RPGRIP1: variants seen among roughly 807,000 people sequenced by gnomAD.
The protein encoded by RPGRIP1 is RPGR interacting protein 1.
A neutral mutation model predicts 157.9 loss-of-function variants in RPGRIP1; 128 were observed. That is an observed-to-expected ratio of 0.81 (90% CI 0.70 to 0.94). The LOEUF is 0.94. RPGRIP1 is among the 40% of genes least tolerant of loss of function. The pLI is 0.00. For missense variants in RPGRIP1, 1,486 were observed against 1,545.8 expected, an observed-to-expected ratio of 0.96 and a Z score of 0.65; for synonymous variants, 554 against 571.6, an observed-to-expected ratio of 0.97 and a Z score of 0.44.
intron 2 of RPGRIP1, among the ~76,000 whole-genome samples, chr14:21,292,408 G>C (rs1880569849): frequency 6.6e-6 from 1 of 151,936 alleles, no homozygotes; most frequent in Non-Finnish European, 1.5e-5. Flanking sequence ...ACCACATTAA[G>C]GGAATATTTT....
intron 3 of RPGRIP1, 103 bp from the exon 4 acceptor site, chr14:21,300,863 A>G: frequency 7.6e-7 from 1 of 1,320,682 alleles, no homozygotes. Flanking sequence ...ATCACGGTAG[A>G]TGAATACATA....
In RPGRIP1 at chr14:21,306,964, T is replaced by TG. The variant is rs552617945; in HGVS notation, c.801-763dup. ...CTAATTTTTGTATTTTTAGTAGAGA[T>TG]GGGGTCTCACTATGTTGGCCAGGAT... On this transcript the variant is annotated intron_variant, in intron 6 of 24. Coordinates refer to ENST00000400017, the MANE Select transcript of RPGRIP1 (RefSeq NM_020366.4). Among the ~76,000 whole-genome samples the TG allele has an allele frequency of 2.1e-3, 310 of 146,222 alleles. 4 individuals are homozygous for TG. The highest frequency in any genetic ancestry group is 2.8e-3 in the Non-Finnish European group (184 of 66,232).
Position 21,325,904 on chromosome 14 carries a change from G to T in RPGRIP1, c.2441G>T (p.Arg814Leu), listed in dbSNP as rs372647080. Residue 814 changes from arginine (R) to leucine (L), a missense_variant, in exon 17 of 25, where the codon CGA becomes CTA. Coordinates refer to ENST00000400017, the MANE Select transcript of RPGRIP1 (RefSeq NM_020366.4). ...ACCAAGTGCTGTGGCCTCCGGAGTCGATGGCTGGGAACTCAACCCAGTCCA... is the reference window on the plus strand; with the variant it reads ...ACCAAGTGCTGTGGCCTCCGGAGTCTATGGCTGGGAACTCAACCCAGTCCA... ...EITKCCGLRS[R>L]WLGTQPSPYA... 48 of 1,613,776 alleles carry T rather than the reference G, an allele frequency of 3.0e-5. No homozygotes were observed. Among genetic ancestry groups the T allele is most frequent in the Non-Finnish European group, 4.0e-5 (47 of 1,179,878 alleles).
chr14:21,335,786 G>A lies in RPGRIP1; in HGVS notation c.3339+1081G>A, dbSNP rs1157122800. On this transcript the variant is annotated intron_variant, in intron 21 of 24. Coordinates refer to ENST00000400017, the MANE Select transcript of RPGRIP1 (RefSeq NM_020366.4). Reference sequence around the variant, plus strand: ...GCAGAGCTTGCACTCCAGCCTGGGCGACAGAGCGAGACTACGTCTCAAAAA... The same window carrying A: ...GCAGAGCTTGCACTCCAGCCTGGGCAACAGAGCGAGACTACGTCTCAAAAA... 4.7e-5 allele frequency among the ~76,000 whole-genome samples: 7 copies of A among 147,908 alleles called. No homozygotes were observed. The East Asian group carries it at 1.2e-3, about 24-fold the overall frequency.
chr14:21,300,062 A>G (rs1469028446), intron 3 of RPGRIP1, among the ~76,000 whole-genome samples: 1 of 152,174 alleles, frequency 6.6e-6, no homozygotes, highest in Non-Finnish European at 1.5e-5. Flanking sequence ...TTGGGAGGCC[A>G]AGGCGGGCGA....
intron 2 of RPGRIP1, among the ~76,000 whole-genome samples, chr14:21,291,189 ATTAT>A (rs1880514218): frequency 6.6e-6 from 1 of 151,922 alleles, no homozygotes. Context: ...TTTAAATTGG[ATTAT>A]TTGTCTTTAT....
intron 21 of RPGRIP1, among the ~76,000 whole-genome samples, chr14:21,335,046 CAAAAAAAAA>C (rs869065591): frequency 1.8e-4 from 5 of 28,048 alleles, no homozygotes; most frequent in Non-Finnish European, 3.7e-4. Flanking sequence ...AACTCTGTCT[CAAAAAAAAA>C]AAAAAAAAAA....
At position 21,314,714 on chromosome 14, in the gene RPGRIP1, G is replaced by GAA. The variant is rs557139978; in HGVS notation, c.1151+2223_1151+2224dup. ...GGCAACAAGAGCAAAACTCTGTCTC[G>GAA]AAAAAAAAAAAAAAAATAGCCGGGC... On this transcript the variant is annotated intron_variant, in intron 10 of 24. Coordinates refer to ENST00000400017, the MANE Select transcript of RPGRIP1 (RefSeq NM_020366.4). Among the ~76,000 whole-genome samples the GAA allele has an allele frequency of 2.0e-3, 262 of 131,012 alleles. 1 individual carries two copies. The highest frequency in any genetic ancestry group is 2.4e-3 in the African/African-American group (83 of 35,054). 85.9% of individuals were successfully genotyped at this position (131,012 alleles called of 152,430 possible).
intron 12 of RPGRIP1, among the ~76,000 whole-genome samples, chr14:21,320,850 C>T (rs1252894330): frequency 6.6e-6 from 1 of 152,166 alleles, no homozygotes; most frequent in African/African-American, 2.4e-5. Context: ...ATCCGCCCAA[C>T]TCAGCCTCCC....
intron 20 of RPGRIP1, 92 bp from the exon 21 acceptor site, chr14:21,334,513 C>A: frequency 1.2e-6 from 1 of 843,936 alleles, no homozygotes; most frequent in Non-Finnish European, 2.0e-6. Context: ...GAACTAGTGA[C>A]CAGACAGTGG....
In RPGRIP1 at chr14:21,325,969, A is replaced by G. The variant is rs1410118070; in HGVS notation, c.2506A>G (p.Thr836Ala). The G allele has an allele frequency of 1.2e-6, 2 of 1,613,952 alleles. No individual in the cohort carries two copies. Among genetic ancestry groups the G allele is most frequent in the Non-Finnish European group, 1.7e-6 (2 of 1,179,884 alleles). The change falls in exon 17 of 25, where the codon ACT becomes GCT. Residue 836 changes from threonine (T) to alanine (A), a missense_variant. Physicochemically the swap from Thr to Ala is moderately conservative, Grantham distance 58. Transcript: ENST00000400017. ...CTTCTTCACCTTTTCTGACCATGAC[A>G]CTGCCATCATTCCAGCCAGTAACAA... is the stretch of plus-strand genomic sequence containing the variant. ...YRFFTFSDHD[T>A]AIIPASNNPY...
At chr14:21,326,898 C>T (rs1883171895) in intron 17 of RPGRIP1, among the ~76,000 whole-genome samples, 1 of 152,008 alleles carries the variant, frequency 6.6e-6, no homozygotes, top group Non-Finnish European at 1.5e-5. Context: ...CAATGTGGAG[C>T]TGAGCTCCAT....
chr14:21,302,522 A>G lies in RPGRIP1; in HGVS notation c.525A>G (p.Pro175=), dbSNP rs17792599. ...ACAGGCTGAGCTACACAGCCCCTCC[A>G]TCGTTTAAGGAGCATGCGACAAATG... ...PRDRLSYTAP[P]SFKEHATNEN... The change falls in exon 5 of 25, where the codon CCA becomes CCG. Residue 175 remains proline, a synonymous_variant. Transcript: ENST00000400017. 271,425 of 1,583,980 alleles carry G rather than the reference A, an allele frequency of 0.17. 25,153 individuals carry two copies. The highest frequency in any genetic ancestry group is 0.25 in the Middle Eastern group (1,511 of 5,976).
At chr14:21,302,794 A>T in intron 5 of RPGRIP1, 1 of 339,094 alleles carries the variant, frequency 2.9e-6, no homozygotes, top group Non-Finnish European at 5.3e-6. Flanking sequence ...ATAAAGGTCC[A>T]TTTCTCAGTT....
Position 21,294,746 on chromosome 14 carries a change from G to C in RPGRIP1, c.155G>C (p.Arg52Pro), listed in dbSNP as rs374171080. 1 of 1,610,702 alleles carries C rather than the reference G, an allele frequency of 6.2e-7. No homozygotes were observed. The highest frequency in any genetic ancestry group is 1.3e-5 in the African/African-American group (1 of 74,542). The change falls in exon 3 of 25, where the codon CGA becomes CCA. Residue 52 changes from arginine to proline, a missense_variant. Transcript: ENST00000400017. ...GAGGAATTGGAGGACAGTTTCTTTC[G>C]ACTTCGCGAAGATCACATGTTGGTG... ...NREELEDSFF[R>P]LREDHMLVKE... is the part of the protein sequence containing the mutation.
chr14:21,288,025 A>G lies in RPGRIP1; in HGVS notation c.49A>G (p.Ile17Val), dbSNP rs370068336. The change falls in exon 2 of 25, where the codon ATA becomes GTA. Residue 17 changes from isoleucine to valine, a missense_variant. Ile to Val is a conservative substitution (Grantham distance 29, BLOSUM62 3). Coordinates refer to ENST00000400017, the MANE Select transcript of RPGRIP1 (RefSeq NM_020366.4). The part of the protein sequence containing the change: ...PTSGDLPVRD[I>V]DAIPLVLPAS... The stretch of plus-strand genomic sequence containing the variant: ...ATCAGGAGACTTGCCAGTTAGAGAC[A>G]TAGATGCTATACCTCTGGTGCTACC... 5 of 1,613,420 alleles carry G rather than the reference A, an allele frequency of 3.1e-6. No individual in the cohort carries two copies. The African/African-American group carries it at 4.0e-5, about 13-fold the overall frequency.
chr14:21,298,941 T>TAAA (rs10555165), intron 3 of RPGRIP1, among the ~76,000 whole-genome samples: 82 of 82,132 alleles, frequency 1.0e-3, no homozygotes, highest in African/African-American at 2.1e-3. Context: ...CTCTGTCTCA[T>TAAA]AAAAAAAAAA....
At chr14:21,287,422 T>C (rs550829868) in intron 1 of RPGRIP1, among the ~76,000 whole-genome samples, 11 of 152,336 alleles carry the variant, frequency 7.2e-5, no homozygotes, top group Admixed American at 7.2e-4. Flanking sequence ...ATAGTAGTTC[T>C]AGCCATCCCC....
intron 23 of RPGRIP1, among the ~76,000 whole-genome samples, chr14:21,347,733 T>C (rs943024809): frequency 6.6e-6 from 1 of 152,170 alleles, no homozygotes; most frequent in Non-Finnish European, 1.5e-5. Context: ...GGTTTCTTTT[T>C]CTTTTTTCTT....
Sources: gnomAD v4.1 joint callset for allele counts (sites outside exome capture counted in the v4.1 genomes callset) on GRCh38, gnomAD v4.1.1 for gene constraint, MANE v1.5 for transcripts, NCBI Gene and HGNC (gene_info 2026-07-23, HGNC 2026-07-21) for gene names.